The following CILK1 variants were observed in gnomAD, a reference collection of about 807,000 sequenced individuals.
CILK1 encodes serine/threonine-protein kinase ICK.
Under a neutral mutation model 79.2 loss-of-function variants are expected in CILK1, and 47 were observed. That is an observed-to-expected ratio of 0.59 (90% CI 0.47 to 0.76). The LOEUF (loss-of-function observed/expected upper bound fraction) is 0.76. Among genes scored for constraint, CILK1 ranks in the 30% least tolerant of loss-of-function variants. The pLI, the probability that CILK1 is intolerant of heterozygous loss-of-function variation, is 0.00. For synonymous variants in CILK1, 266 were observed against 275.9 expected (o/e 0.96, Z 0.36); for missense variants, 660 against 769.5 (o/e 0.86, Z 1.68).
intron 4 of CILK1, among the ~76,000 whole-genome samples, chr6:53,032,304 G>T (rs1223139877): frequency 6.6e-6 from 1 of 151,642 alleles, no homozygotes; most frequent in Non-Finnish European, 1.5e-5. Context: ...TCAGAATAAT[G>T]CAATAAGAAA....
intron 1 of CILK1, among the ~76,000 whole-genome samples, chr6:53,047,189 G>C (rs946913704): frequency 2.0e-5 from 3 of 152,230 alleles, no homozygotes; most frequent in Non-Finnish European, 4.4e-5. Context: ...TACGAGGCTA[G>C]AGCGTAAAAC....
At chr6:53,051,264 A>T (rs222449) in intron 1 of CILK1, among the ~76,000 whole-genome samples, 112,962 of 152,192 alleles carry the variant, frequency 0.74, 42,694 homozygotes, top group South Asian at 0.9. Flanking sequence ...AAATAACAAA[A>T]AAAATTTTTT....
chr6:53,005,185 C>A lies in CILK1; in HGVS notation c.1863G>T (p.Arg621=). The change falls in exon 14 of 14, where the codon CGG becomes CGT. Residue 621 remains arginine, a synonymous_variant. Coordinates refer to ENST00000676107, the MANE Select transcript of CILK1 (RefSeq NM_014920.5). ...ATGCGTACTTGGAAGCCCAGTCTGT[C>A]CGGCCATGCACTGGCTGGGCGGCTG... is the stretch of plus-strand genomic sequence containing the variant. The part of the protein sequence containing the change: ...RPPAAQPVHG[R]TDWASKYASR... 3 of 1,614,230 alleles carry A rather than the reference C, an allele frequency of 1.9e-6. No homozygotes were observed. The highest frequency in any genetic ancestry group is 2.5e-6 in the Non-Finnish European group (3 of 1,180,042).
At chr6:53,033,174 CCTT>C (rs1766082771) in intron 3 of CILK1, among the ~76,000 whole-genome samples, 3 of 152,160 alleles carry the variant, frequency 2.0e-5, no homozygotes, top group Non-Finnish European at 2.9e-5. Context: ...ATAGAGCACT[CCTT>C]CTTACAATGT....
intron 11 of CILK1, among the ~76,000 whole-genome samples, chr6:53,010,671 C>A (rs748280118): frequency 6.6e-6 from 1 of 152,218 alleles, no homozygotes; most frequent in Non-Finnish European, 1.5e-5. Context: ...TCCTCTCTCC[C>A]TGGTGTGCTC....
At chr6:53,029,137 G>GA (rs1159564723) in intron 5 of CILK1, among the ~76,000 whole-genome samples, 4 of 152,150 alleles carry the variant, frequency 2.6e-5, no homozygotes, top group Non-Finnish European at 4.4e-5. Flanking sequence ...AAAATAGCCT[G>GA]AAAAACTGAG....
rs145422665 is a variant in CILK1, at chr6:53,036,057, G to A, written c.156+1882C>T. ...TGTCTGGTGGTCATCAGCTAGAGGAGCAGTTTCTTCAACTATCTTGCCGAG... is the reference window on the plus strand; with the variant it reads ...TGTCTGGTGGTCATCAGCTAGAGGAACAGTTTCTTCAACTATCTTGCCGAG... On this transcript the variant is annotated intron_variant, in intron 3 of 13. Transcript: ENST00000676107. 3.9e-3 allele frequency among the ~76,000 whole-genome samples: 593 copies of A among 152,280 alleles called. 4 individuals are homozygous for A. The highest frequency in any genetic ancestry group is 0.014 in the African/African-American group (576 of 41,542).
rs760123594 is a variant in CILK1 at position 53,013,883 on chromosome 6, C to A, written c.931G>T (p.Ala311Ser). 1.2e-6 allele frequency: 2 copies of A among 1,614,002 alleles called. No homozygotes were observed. Among genetic ancestry groups the A allele is most frequent in the Non-Finnish European group, 1.7e-6 (2 of 1,179,960 alleles). ...GGCTTAATATAAGGAGGTGGGCCTG[C>A]CTTTTCCAGGATGCCTTTCTGTGGT... ...EKPQKGILEK[A>S]GPPPYIKPVP... Residue 311 changes from alanine to serine, a missense_variant, in exon 9 of 14, where the codon GCA becomes TCA. Coordinates refer to ENST00000676107, the MANE Select transcript of CILK1 (RefSeq NM_014920.5).
chr6:53,028,922 T>G (rs1321598003), intron 5 of CILK1, among the ~76,000 whole-genome samples: 5 of 151,936 alleles, frequency 3.3e-5, no homozygotes, highest in Non-Finnish European at 7.4e-5. Context: ...GCATGTGTCT[T>G]GGGGTGCTTA....
At chr6:53,051,619 G>A (rs1289812773) in intron 1 of CILK1, among the ~76,000 whole-genome samples, 1 of 152,080 alleles carries the variant, frequency 6.6e-6, no homozygotes, top group Non-Finnish European at 1.5e-5. Flanking sequence ...TTTCATTTAA[G>A]GCCTACCAAG....
intron 12 of CILK1, among the ~76,000 whole-genome samples, chr6:53,007,002 T>G (rs1299649173): frequency 6.6e-6 from 1 of 152,202 alleles, no homozygotes; most frequent in African/African-American, 2.4e-5. Context: ...CACTTGGGAG[T>G]GCTTTAAGGG....
chr6:53,028,145 T>C, intron 5 of CILK1, among the ~76,000 whole-genome samples: 1 of 62,570 alleles, frequency 1.6e-5, no homozygotes, highest in African/African-American at 7.8e-5. Context: ...AGACTCCGTC[T>C]CAAAAAAAAA....
chr6:53,006,549 GAAAAGAGCA>G (rs1460052101), intron 12 of CILK1, 112 bp from the exon 13 acceptor site: 10 of 1,199,346 alleles, frequency 8.3e-6, no homozygotes, highest in Non-Finnish European at 1.1e-5. Flanking sequence ...TACTTTTAGG[GAAAAGAGCA>G]AATCATGATA....
At chr6:53,050,175 T>G (rs944888442) in intron 1 of CILK1, among the ~76,000 whole-genome samples, 1 of 152,156 alleles carries the variant, frequency 6.6e-6, no homozygotes, top group Non-Finnish European at 1.5e-5. Flanking sequence ...TATCAAAAAT[T>G]TGATACTTGA....
chr6:53,017,787 GAAAGGGGAGCAAGAGAAAGACAGAAGGT>G lies in CILK1; in HGVS notation c.663+515_663+542del, dbSNP rs377157162. ...TACCCACCAACCGCTTAGATGAAGG[GAAAGGGGAGCAAGAGAAAGACAGAAGGT>G]AAAGCTGAAATTCAGCCTCAAGGTG... On this transcript the variant is annotated intron_variant, in intron 7 of 13. Transcript: ENST00000676107. Among the ~76,000 whole-genome samples, 208 of 152,330 alleles carry G rather than the reference GAAAGGGGAGCAAGAGAAAGACAGAAGGT, an allele frequency of 1.4e-3. 1 individual carries two copies. The highest frequency in any genetic ancestry group is 4.7e-3 in the African/African-American group (195 of 41,580).
At position 53,009,293 on chromosome 6, in the gene CILK1, G is replaced by A. The variant is rs143626481; in HGVS notation, c.1621+146C>T. ...AAGGGACTGCTGCCGAGAAAGAGAG[G>A]AGGATAGGGCTGGAAAAGAGGCCTG... On this transcript the variant is annotated intron_variant, in intron 12 of 13. Transcript: ENST00000676107. 5.2e-4 allele frequency: 410 copies of A among 796,002 alleles called. No individual in the cohort carries two copies. The African/African-American group carries it at 6.4e-3, about 12-fold the overall frequency. The allele number at this position is 796,002 out of a possible 1,614,324, so 49.3% of individuals were successfully genotyped here.
chr6:53,058,380 A>C lies in CILK1; in HGVS notation c.-173+3216T>G, dbSNP rs1336815763. On this transcript the variant is annotated intron_variant, in intron 1 of 13. Coordinates refer to ENST00000676107, the MANE Select transcript of CILK1 (RefSeq NM_014920.5). The stretch of plus-strand genomic sequence containing the variant: ...AACATTTCCTTAGCATTTTAATGCA[A>C]TTTGCCCCAGAAAATGATTTGTTTC... 2.0e-5 allele frequency among the ~76,000 whole-genome samples: 3 copies of C among 152,214 alleles called. No homozygotes were observed. In the East Asian group the frequency reaches 5.8e-4, roughly 29 times the overall value.
chr6:53,028,264 C>T lies in CILK1; in HGVS notation c.358+2801G>A, dbSNP rs560306108. 2.0e-5 allele frequency among the ~76,000 whole-genome samples: 3 copies of T among 151,956 alleles called. No homozygotes were observed. The South Asian group carries it at 6.3e-4, about 32-fold the overall frequency. Reference sequence around the variant, plus strand: ...CTGGGAGGCAGAGGTTGCAGTGAGCCGAGACTGCGTGACTGCACTCCAGCC... The same window carrying T: ...CTGGGAGGCAGAGGTTGCAGTGAGCTGAGACTGCGTGACTGCACTCCAGCC... On this transcript the variant is annotated intron_variant, in intron 5 of 13. Transcript: ENST00000676107.
At chr6:53,017,223 A>T (rs1263197169) in intron 7 of CILK1, among the ~76,000 whole-genome samples, 1 of 152,218 alleles carries the variant, frequency 6.6e-6, no homozygotes, top group East Asian at 1.9e-4. Context: ...TTTTTTGAGG[A>T]TCTAGTTTGC....
Sources: allele counts gnomAD v4.1 joint callset (sites outside exome capture counted in the v4.1 genomes callset), GRCh38; gene constraint gnomAD v4.1.1; transcripts MANE v1.5; gene names NCBI Gene and HGNC (gene_info 2026-07-23, HGNC 2026-07-21).